PCDHGB2: variants seen among roughly 807,000 people sequenced by gnomAD.
PCDHGB2 encodes protocadherin gamma subfamily B, 2.
In PCDHGB2, 55 loss-of-function variants were observed where a neutral mutation model predicts 59.3. That is an observed-to-expected ratio of 0.93 (90% CI 0.75 to 1.16). PCDHGB2 has a LOEUF of 1.16. Among genes scored for constraint, PCDHGB2 ranks in the 50% most tolerant of loss-of-function variants. The pLI is 0.00. For missense variants in PCDHGB2, 1,228 were observed against 1,198.5 expected, an observed-to-expected ratio of 1.02 and a Z score of -0.36; for synonymous variants, 516 against 512.0, an observed-to-expected ratio of 1.01 and a Z score of -0.11.
At chr5:141,376,380 G>C in intron 1 of PCDHGB2, 4 of 1,614,214 alleles carry the variant, frequency 2.5e-6, no homozygotes, top group Non-Finnish European at 3.4e-6. Flanking sequence ...TCGCGTAAGA[G>C]TCATCTGATT....
In PCDHGB2 at chr5:141,366,784, A is replaced by G. The variant is rs749444374; in HGVS notation, c.2421+4228A>G. Reference sequence around the variant, plus strand: ...TTCTCTTTCGGTAAGGATGACCAGAACATTTTCATTTGTTTCCTTTTTCAT... The same window carrying G: ...TTCTCTTTCGGTAAGGATGACCAGAGCATTTTCATTTGTTTCCTTTTTCAT... On this transcript the variant is annotated intron_variant, in intron 1 of 3. Coordinates refer to ENST00000522605, the MANE Select transcript of PCDHGB2 (RefSeq NM_018923.3). 6 of 1,579,152 alleles carry G rather than the reference A, an allele frequency of 3.8e-6. No homozygotes were observed. The South Asian group carries it at 6.9e-5, about 18-fold the overall frequency.
At chr5:141,498,670 G>A (rs1266576450) in intron 2 of PCDHGB2, among the ~76,000 whole-genome samples, 1 of 152,066 alleles carries the variant, frequency 6.6e-6, no homozygotes, top group Non-Finnish European at 1.5e-5. Flanking sequence ...GGTGGCTCAC[G>A]CCTGTAATCC....
chr5:141,431,464 G>A lies in PCDHGB2; in HGVS notation c.2422-63343G>A. The A allele has an allele frequency of 1.9e-6, 3 of 1,613,782 alleles. No individual in the cohort carries two copies. Among genetic ancestry groups the A allele is most frequent in the Non-Finnish European group, 1.7e-6 (2 of 1,179,972 alleles). ...GCATCCGCGTGATGGTTCTGGATGC[G>A]AACGACAACGCACCAGCGTTTGCTC... On this transcript the variant is annotated intron_variant, in intron 1 of 3. Coordinates refer to ENST00000522605, the MANE Select transcript of PCDHGB2 (RefSeq NM_018923.3). This position sits in a 1 kb window ranked among gnomAD's most constrained non-coding sequence, Gnocchi z 4.8.
At chr5:141,397,626 C>G (rs539348100) in intron 1 of PCDHGB2, among the ~76,000 whole-genome samples, 27 of 152,256 alleles carry the variant, frequency 1.8e-4, no homozygotes, top group Middle Eastern at 3.4e-3. Context: ...TTAGTTCTAG[C>G]TAAGAGTTCA....
rs746913952 is a variant in PCDHGB2, at chr5:141,432,898, G to T, written c.2422-61909G>T. 2.5e-6 allele frequency: 4 copies of T among 1,614,174 alleles called. No individual in the cohort carries two copies. Among genetic ancestry groups the T allele is most frequent in the Admixed American group, 3.3e-5 (2 of 60,034 alleles). ...TGGCCTTCGTCATCTTGCTGCTGGC[G>T]CTCAGGCTGCGGCGCTGGCACAAGT... On this transcript the variant is annotated intron_variant, in intron 1 of 3. Coordinates refer to ENST00000522605, the MANE Select transcript of PCDHGB2 (RefSeq NM_018923.3). The surrounding 1 kb of genome is among the most constrained non-coding windows in gnomAD (Gnocchi z 6.0).
At chr5:141,410,170 C>A in intron 1 of PCDHGB2, 1 of 1,613,828 alleles carries the variant, frequency 6.2e-7, no homozygotes, top group African/African-American at 1.3e-5. Context: ...CACTCTCTGC[C>A]ACCGCCACGC....
rs537619617 is a variant in PCDHGB2 at position 141,483,429 on chromosome 5, C to G, written c.2422-11378C>G. On this transcript the variant is annotated intron_variant, in intron 1 of 3. Coordinates refer to ENST00000522605, the MANE Select transcript of PCDHGB2 (RefSeq NM_018923.3). ...ACAGTGGCAGTACAGATGGAGGGAGCTGACTACAATAAAATCATCAGGACT... is the reference window on the plus strand; with the variant it reads ...ACAGTGGCAGTACAGATGGAGGGAGGTGACTACAATAAAATCATCAGGACT... Among the ~76,000 whole-genome samples the G allele has an allele frequency of 5.3e-5, 8 of 152,158 alleles. No individual in the cohort carries two copies. In the East Asian group the frequency reaches 1.5e-3, roughly 29 times the overall value.
Position 141,408,587 on chromosome 5 carries a change from C to A in PCDHGB2, c.2421+46031C>A, listed in dbSNP as rs768912219. 3 of 1,613,898 alleles carry A rather than the reference C, an allele frequency of 1.9e-6. No homozygotes were observed. The South Asian group carries it at 3.3e-5, about 18-fold the overall frequency. ...TGTGGTGATTGAGGATGTTAATGACCACGCCCCTCAATTTGATAAAAAGGA... is the reference window on the plus strand; with the variant it reads ...TGTGGTGATTGAGGATGTTAATGACAACGCCCCTCAATTTGATAAAAAGGA... On this transcript the variant is annotated intron_variant, in intron 1 of 3. Transcript: ENST00000522605.
intron 1 of PCDHGB2, among the ~76,000 whole-genome samples, chr5:141,405,786 T>C (rs72790035): frequency 0.064 from 9,727 of 151,196 alleles, 364 homozygotes; most frequent in African/African-American, 0.1. Context: ...CCCTTAACTT[T>C]CTATTATAGT....
At position 141,361,737 on chromosome 5, in the gene PCDHGB2, C is replaced by T. The variant is rs10062250; in HGVS notation, c.1602C>T (p.Ala534=). The change falls in exon 1 of 4, where the codon GCC becomes GCT. Residue 534 remains alanine (A), a synonymous_variant. Coordinates refer to ENST00000522605, the MANE Select transcript of PCDHGB2 (RefSeq NM_018923.3). Reference sequence around the variant, plus strand: ...GCGCCTTCGAGCTCACACTGCAGGCCCGCGACCAGGGCTCGCCCGCGCTCA... The same window carrying T: ...GCGCCTTCGAGCTCACACTGCAGGCTCGCGACCAGGGCTCGCCCGCGCTCA... ...QLRAFELTLQ[A]RDQGSPALSA... 1,285 of 1,613,162 alleles carry T rather than the reference C, an allele frequency of 8.0e-4. 14 individuals are homozygous for T. In the African/African-American group the frequency reaches 0.015, roughly 19 times the overall value.
intron 1 of PCDHGB2, chr5:141,417,544 C>A: frequency 3.2e-6 from 1 of 308,860 alleles, no homozygotes; most frequent in Non-Finnish European, 5.9e-6. Context: ...AAAAAAATTC[C>A]TTGAAAGAGG....
Position 141,361,026 on chromosome 5 carries a change from A to G in PCDHGB2, c.891A>G (p.Lys297=), listed in dbSNP as rs1357990065. The G allele has an allele frequency of 1.2e-6, 2 of 1,613,406 alleles. No individual in the cohort carries two copies. The highest frequency in any genetic ancestry group is 1.7e-6 in the Non-Finnish European group (2 of 1,179,556). Residue 297 remains lysine, a synonymous_variant, in exon 1 of 4, where the codon AAA becomes AAG. Transcript: ENST00000522605. ...AACACTTTTTCAACTTAAATGAAAA[A>G]ACAGGAGAAATCACGACAAAGGATG... is the stretch of plus-strand genomic sequence containing the variant. ...QVKHFFNLNE[K]TGEITTKDDL... is the part of the protein sequence containing the mutation.
intron 1 of PCDHGB2, among the ~76,000 whole-genome samples, chr5:141,488,497 C>CA (rs1415483796): frequency 4.6e-5 from 7 of 152,204 alleles, no homozygotes; most frequent in African/African-American, 1.7e-4. Flanking sequence ...CTGTAACACT[C>CA]ATTCCACATT....
chr5:141,497,702 G>A (rs904199928), intron 2 of PCDHGB2, among the ~76,000 whole-genome samples: 16 of 152,054 alleles, frequency 1.1e-4, no homozygotes, highest in African/African-American at 3.9e-4. Context: ...ACCACACCCA[G>A]CTCATTTTTG....
chr5:141,429,573 T>G (rs1026656206), intron 1 of PCDHGB2, among the ~76,000 whole-genome samples: 3 of 152,206 alleles, frequency 2.0e-5, no homozygotes, highest in Non-Finnish European at 4.4e-5. Context: ...TCAGTTACAT[T>G]TACTTTTGAT....
Position 141,489,263 on chromosome 5 carries a change from A to G in PCDHGB2, c.2422-5544A>G. The G allele has an allele frequency of 6.4e-7, 1 of 1,552,104 alleles. No homozygotes were observed. Among genetic ancestry groups the G allele is most frequent in the South Asian group, 1.3e-5 (1 of 79,626 alleles). On this transcript the variant is annotated intron_variant, in intron 1 of 3. Transcript: ENST00000522605. This position sits in a 1 kb window ranked among gnomAD's most constrained non-coding sequence, Gnocchi z 4.5. ...GTCATGGGGCCCAAGACACTCCCAC[A>G]GCTCGCTGGGAAATGGCAAGTGCTG...
In PCDHGB2 at chr5:141,485,318, G is replaced by A. The variant is rs1318256454; in HGVS notation, c.2422-9489G>A. On this transcript the variant is annotated intron_variant, in intron 1 of 3. Transcript: ENST00000522605. The surrounding 1 kb of genome is among the most constrained non-coding windows in gnomAD (Gnocchi z 5.7). ...GGAAGGGACTTTTGTAGGGAATGTC[G>A]CTCAAGATTTCCTGCTGGATACGGA... 3 of 1,614,142 alleles carry A rather than the reference G, an allele frequency of 1.9e-6. No homozygotes were observed. The highest frequency in any genetic ancestry group is 2.5e-6 in the Non-Finnish European group (3 of 1,180,006).
chr5:141,511,400 T>A lies in PCDHGB2; in HGVS notation c.*227T>A, dbSNP rs1208021848. On this transcript the variant is annotated 3_prime_UTR_variant, in exon 4 of 4. Coordinates refer to ENST00000522605, the MANE Select transcript of PCDHGB2 (RefSeq NM_018923.3). ...AGTTCCGCTGGGAACCCCCATCCAA[T>A]CAACTGCTGTACCCATGGGGGTAGT... 1.1e-5 allele frequency: 11 copies of A among 982,132 alleles called. No individual in the cohort carries two copies. Among genetic ancestry groups the A allele is most frequent in the African/African-American group, 3.3e-5 (2 of 60,924 alleles). 60.8% of individuals were successfully genotyped at this position (982,132 alleles called of 1,614,324 possible).
In PCDHGB2 at chr5:141,445,206, A is replaced by G. The variant is rs1244524491; in HGVS notation, c.2422-49601A>G. On this transcript the variant is annotated intron_variant, in intron 1 of 3. Transcript: ENST00000522605. ...TTTTTATGTATTCTATATGCTTTTGAAAAGTAAGAGGTGCAAAGTGCTCTA... is the reference window on the plus strand; with the variant it reads ...TTTTTATGTATTCTATATGCTTTTGGAAAGTAAGAGGTGCAAAGTGCTCTA... 3.3e-5 allele frequency among the ~76,000 whole-genome samples: 5 copies of G among 152,182 alleles called. No individual in the cohort carries two copies. The East Asian group carries it at 7.7e-4, about 23-fold the overall frequency.
Sources: gnomAD v4.1 joint callset for allele counts (sites outside exome capture counted in the v4.1 genomes callset) on GRCh38, gnomAD v4.1.1 for gene constraint, Gnocchi (gnomAD v3.1) non-coding constraint, MANE v1.5 for transcripts, NCBI Gene and HGNC (gene_info 2026-07-23, HGNC 2026-07-21) for gene names.